STK32B: variants seen among roughly 807,000 people sequenced by gnomAD.
The protein encoded by STK32B is serine/threonine kinase 32B.
A neutral mutation model predicts 52.6 loss-of-function variants in STK32B; 43 were observed. The observed-to-expected ratio is 0.82, with a 90% CI of 0.64 to 1.05. STK32B has a LOEUF of 1.05. Among genes scored for constraint, STK32B ranks in the 50% least tolerant of loss-of-function variants. The probability of loss-of-function intolerance (pLI) is 0.00; values close to 1 mark genes in which losing one functional copy is unlikely to be tolerated. For missense variants in STK32B, 621 were observed against 534.6 expected (o/e 1.16, Z -1.59); for synonymous variants, 238 against 204.3 (o/e 1.17, Z -1.41).
At chr4:5,056,411 A>G (rs948516675) in intron 1 of STK32B, among the ~76,000 whole-genome samples, 1 of 152,226 alleles carries the variant, frequency 6.6e-6, no homozygotes, top group Non-Finnish European at 1.5e-5. Flanking sequence ...AAGGCCTAAA[A>G]TAACACCTGT....
chr4:5,041,776 T>C, the STK32B span, among the ~76,000 whole-genome samples: 2 of 150,734 alleles, frequency 1.3e-5, no homozygotes, highest in Non-Finnish European at 2.9e-5. Flanking sequence ...CTATTTCTTA[T>C]CTTGGTGTGC....
rs917767870 is a variant in STK32B at position 5,275,988 on chromosome 4, A to G, written c.261-55232A>G. On this transcript the variant is annotated intron_variant, in intron 3 of 11. Transcript: ENST00000282908. ...AACAAGATAAGAGCACAGCCAGCCTATATTTTAAAAGACATTTAGGCCGGG... is the reference window on the plus strand; with the variant it reads ...AACAAGATAAGAGCACAGCCAGCCTGTATTTTAAAAGACATTTAGGCCGGG... Among the ~76,000 whole-genome samples, 3 of 152,242 alleles carry G rather than the reference A, an allele frequency of 2.0e-5. No individual in the cohort carries two copies. The East Asian group carries it at 5.8e-4, about 30-fold the overall frequency.
At chr4:5,259,576 A>C (rs1726564178) in intron 3 of STK32B, among the ~76,000 whole-genome samples, 1 of 152,226 alleles carries the variant, frequency 6.6e-6, no homozygotes, top group African/African-American at 2.4e-5. Flanking sequence ...ATAAAAATTT[A>C]ATGAGTTAAC....
rs1264318973 is a variant in STK32B, at chr4:5,456,828, G to A, written c.688G>A (p.Val230Ile). The A allele has an allele frequency of 1.3e-6, 2 of 1,593,904 alleles. No individual in the cohort carries two copies. Among genetic ancestry groups the A allele is most frequent in the Admixed American group, 1.7e-5 (1 of 58,274 alleles). ...GCAGAGGCCGTACGAAATCCACTCG[G>A]TCACGCCCATCGATGAAATCCTCAA... is the stretch of plus-strand genomic sequence containing the variant. ...RGWRPYEIHS[V>I]TPIDEILNMF... The change falls in exon 8 of 12, where the codon GTC becomes ATC. Residue 230 changes from valine to isoleucine, a missense_variant. Transcript: ENST00000282908.
intron 3 of STK32B, among the ~76,000 whole-genome samples, chr4:5,256,172 G>A (rs1053993923): frequency 1.4e-5 from 2 of 146,672 alleles, no homozygotes; most frequent in African/African-American, 5.5e-5. Context: ...GAGAGGACAT[G>A]ACCTTCCCGG....
chr4:5,446,123 C>T (rs1715396378), intron 6 of STK32B, among the ~76,000 whole-genome samples: 1 of 152,254 alleles, frequency 6.6e-6, no homozygotes, highest in South Asian at 2.1e-4. Flanking sequence ...TTCCATGCCC[C>T]CTCAGGGCAT....
chr4:5,296,209 G>A (rs1307011561), intron 3 of STK32B, among the ~76,000 whole-genome samples: 1 of 152,134 alleles, frequency 6.6e-6, no homozygotes, highest in African/African-American at 2.4e-5. Flanking sequence ...GAATAAGTGT[G>A]ATGTGATGCT....
At chr4:5,285,128 T>C (rs1252664355) in intron 3 of STK32B, among the ~76,000 whole-genome samples, 1 of 152,240 alleles carries the variant, frequency 6.6e-6, no homozygotes, top group African/African-American at 2.4e-5. Context: ...CTTACTTTAT[T>C]GTAAGATTAC....
intron 3 of STK32B, among the ~76,000 whole-genome samples, chr4:5,295,008 C>T (rs1729105367): frequency 6.6e-6 from 1 of 152,014 alleles, no homozygotes; most frequent in African/African-American, 2.4e-5. Flanking sequence ...TATAGAAGGC[C>T]TTTTCTGCAT....
At chr4:5,264,790 CAA>C (rs199565113) in intron 3 of STK32B, among the ~76,000 whole-genome samples, 1 of 146,156 alleles carries the variant, frequency 6.8e-6, no homozygotes, top group East Asian at 2.0e-4. Context: ...CCATCTCAAA[CAA>C]AAAAAAAAAT....
intron 4 of STK32B, chr4:5,345,351 T>C (rs142709177): frequency 6.6e-6 from 1 of 151,826 alleles, no homozygotes; most frequent in East Asian, 1.9e-4. Flanking sequence ...TTAAAGCAGA[T>C]GCTTCAAACT....
chr4:5,280,838 G>A (rs1444934470), intron 3 of STK32B, among the ~76,000 whole-genome samples: 1 of 152,136 alleles, frequency 6.6e-6, no homozygotes, highest in Non-Finnish European at 1.5e-5. Context: ...GGCAGAGGTT[G>A]CAGTGAGCCG....
intron 3 of STK32B, among the ~76,000 whole-genome samples, chr4:5,320,452 C>T (rs1731413251): frequency 6.6e-6 from 1 of 152,006 alleles, no homozygotes; most frequent in Non-Finnish European, 1.5e-5. Flanking sequence ...ATGGCTTAAC[C>T]CTGTGTGTAT....
Position 5,386,330 on chromosome 4 carries a change from G to A in STK32B, c.435-11877G>A, listed in dbSNP as rs534718601. ...ATGTTGAATGCTGGAAAGAGCTCCC[G>A]GCTGGTGTGAGTCCAGAGCCCATGC... On this transcript the variant is annotated intron_variant, in intron 4 of 11. Transcript: ENST00000282908. The surrounding 1 kb of genome is among the most constrained non-coding windows in gnomAD (Gnocchi z 4.5). Among the ~76,000 whole-genome samples the A allele has an allele frequency of 1.3e-5, 2 of 152,244 alleles. No individual in the cohort carries two copies. The highest frequency in any genetic ancestry group is 1.9e-4 in the East Asian group (1 of 5,146).
At chr4:5,030,349 C>G in the STK32B span, among the ~76,000 whole-genome samples, 2 of 152,230 alleles carry the variant, frequency 1.3e-5, no homozygotes, top group South Asian at 2.1e-4. Flanking sequence ...AGGAGCTGAG[C>G]TGGTCATCTC....
chr4:5,406,972 G>T (rs544616082), intron 5 of STK32B, among the ~76,000 whole-genome samples: 1 of 152,100 alleles, frequency 6.6e-6, no homozygotes, highest in Non-Finnish European at 1.5e-5. Flanking sequence ...ACATGGCCAG[G>T]CTGCATTTTC....
At chr4:5,218,938 G>C (rs959755758) in intron 3 of STK32B, among the ~76,000 whole-genome samples, 5 of 152,068 alleles carry the variant, frequency 3.3e-5, no homozygotes, top group African/African-American at 1.2e-4. Flanking sequence ...AGGCCCCACT[G>C]AGCTTGTTTT....
intron 3 of STK32B, among the ~76,000 whole-genome samples, chr4:5,193,935 G>A (rs970061846): frequency 3.9e-5 from 6 of 152,152 alleles, no homozygotes; most frequent in African/African-American, 4.8e-5. Context: ...TCCCTACTCC[G>A]CTGTCTTGGC....
At chr4:5,228,320 T>A (rs1213627312) in intron 3 of STK32B, among the ~76,000 whole-genome samples, 1 of 152,156 alleles carries the variant, frequency 6.6e-6, no homozygotes, top group Non-Finnish European at 1.5e-5. Context: ...AAATCTTTAA[T>A]TGGAAGGGTT....
Sources: gnomAD v4.1 joint callset for allele counts (sites outside exome capture counted in the v4.1 genomes callset) on GRCh38, gnomAD v4.1.1 for gene constraint, Gnocchi (gnomAD v3.1) non-coding constraint, MANE v1.5 for transcripts, NCBI Gene and HGNC (gene_info 2026-07-23, HGNC 2026-07-21) for gene names.